The following GAREM1 variants were observed in gnomAD, a reference collection of about 807,000 sequenced individuals.
GAREM1 encodes the protein GRB2-associated and regulator of MAPK protein 1.
GAREM1 carries 26 observed loss-of-function variants against 71.3 expected under a neutral mutation model. That is an observed-to-expected ratio of 0.36 (90% CI 0.27 to 0.51). The LOEUF (loss-of-function observed/expected upper bound fraction) is 0.51. Ranked by LOEUF, GAREM1 falls within the 20% of genes least tolerant of loss-of-function variation. The pLI, the probability that GAREM1 is intolerant of heterozygous loss-of-function variation, is 0.95. For missense variants in GAREM1, 1,026 were observed against 1,103.1 expected (o/e 0.93, Z 0.99); for synonymous variants, 440 against 433.2 (o/e 1.02, Z -0.20).
At chr18:32,445,755 T>TA (rs2048780360) in intron 1 of GAREM1, among the ~76,000 whole-genome samples, 1 of 152,112 alleles carries the variant, frequency 6.6e-6, no homozygotes, top group African/African-American at 2.4e-5. Context: ...TATTTCCACC[T>TA]AAAAAAGTTT....
chr18:32,363,734 C>T (rs2047889406), intron 2 of GAREM1, among the ~76,000 whole-genome samples: 1 of 151,732 alleles, frequency 6.6e-6, no homozygotes, highest in South Asian at 2.1e-4. Flanking sequence ...CAAAGCCTTA[C>T]AGCTTATGAT....
At chr18:32,322,370 A>G (rs764575618) in intron 2 of GAREM1, among the ~76,000 whole-genome samples, 12 of 152,192 alleles carry the variant, frequency 7.9e-5, no homozygotes, top group Admixed American at 3.3e-4. Flanking sequence ...AAATCCATCT[A>G]GATCCATCCA....
At position 32,266,610 on chromosome 18, in the gene GAREM1, T is replaced by C. The variant is rs533673605; in HGVS notation, c.*1261A>G. The C allele has an allele frequency of 1.3e-5, 2 of 152,350 alleles. No individual in the cohort carries two copies. Among genetic ancestry groups the C allele is most frequent in the Admixed American group, 6.5e-5 (1 of 15,314 alleles). The allele number at this position is 152,350 out of a possible 1,614,324, so 9.4% of individuals were successfully genotyped here. On this transcript the variant is annotated 3_prime_UTR_variant, in exon 6 of 6. Coordinates refer to ENST00000269209, the MANE Select transcript of GAREM1 (RefSeq NM_001242409.2). ...ATGTAAAAGTATGGTAATAATGTAT[T>C]TTCTTTGAAAGAGAGGGAAGAAGTG...
chr18:32,345,214 CAT>C (rs1268507397), intron 2 of GAREM1, among the ~76,000 whole-genome samples: 1 of 152,152 alleles, frequency 6.6e-6, no homozygotes, highest in Non-Finnish European at 1.5e-5. Flanking sequence ...ATAGACTAAT[CAT>C]AAAGATTTCA....
chr18:32,315,434 AT>A (rs2047366707), intron 2 of GAREM1, among the ~76,000 whole-genome samples: 2 of 147,554 alleles, frequency 1.4e-5, no homozygotes, highest in African/African-American at 4.9e-5. Context: ...TAAAGTATAT[AT>A]AAAAAAATAT....
chr18:32,354,056 A>C (rs1245380947), intron 2 of GAREM1, among the ~76,000 whole-genome samples: 1 of 152,188 alleles, frequency 6.6e-6, no homozygotes, highest in African/African-American at 2.4e-5. Context: ...AACATACATA[A>C]ATAATTTTGA....
chr18:32,291,602 C>T (rs934085237), intron 3 of GAREM1, among the ~76,000 whole-genome samples: 2 of 152,090 alleles, frequency 1.3e-5, no homozygotes, highest in Middle Eastern at 3.2e-3. Context: ...ATCAAACCAT[C>T]ATTTACATTA....
intron 1 of GAREM1, among the ~76,000 whole-genome samples, chr18:32,465,962 G>C (rs935352841): frequency 1.3e-5 from 2 of 152,170 alleles, no homozygotes; most frequent in African/African-American, 4.8e-5. Context: ...TGCATTGCCT[G>C]AGGGTGAAAA....
rs374746089 is a variant in GAREM1 at position 32,362,122 on chromosome 18, C to T, written c.262+30773G>A. Among the ~76,000 whole-genome samples, 16 of 152,294 alleles carry T rather than the reference C, an allele frequency of 1.1e-4. No individual in the cohort carries two copies. The East Asian group carries it at 2.3e-3, about 22-fold the overall frequency. On this transcript the variant is annotated intron_variant, in intron 2 of 5. Coordinates refer to ENST00000269209, the MANE Select transcript of GAREM1 (RefSeq NM_001242409.2). The stretch of plus-strand genomic sequence containing the variant: ...ATGGAAATCCCCAATTTGTGGCCCG[C>T]ACTGCTATGCTCTTCACCATCTCCC...
intron 2 of GAREM1, among the ~76,000 whole-genome samples, chr18:32,342,215 G>GA (rs2047654224): frequency 6.6e-6 from 1 of 152,070 alleles, no homozygotes. Context: ...GAGGCGCAGA[G>GA]GTTAAGCATC....
intron 2 of GAREM1, among the ~76,000 whole-genome samples, chr18:32,323,877 AG>A (rs1249765419): frequency 6.6e-6 from 1 of 152,168 alleles, no homozygotes; most frequent in Non-Finnish European, 1.5e-5. Flanking sequence ...TCAGTTATTT[AG>A]TATGAAAAGA....
intron 2 of GAREM1, among the ~76,000 whole-genome samples, chr18:32,328,381 G>A (rs1567966026): frequency 6.6e-6 from 1 of 152,158 alleles, no homozygotes; most frequent in Non-Finnish European, 1.5e-5. Context: ...TATGCTGGCT[G>A]GTGTGGTTGA....
At chr18:32,274,585 G>A (rs1339997009) in intron 4 of GAREM1, among the ~76,000 whole-genome samples, 1 of 152,172 alleles carries the variant, frequency 6.6e-6, no homozygotes. Context: ...TGTGCGACCA[G>A]GCTCCCACGC....
At chr18:32,275,682 A>G (rs1225689826) in intron 4 of GAREM1, among the ~76,000 whole-genome samples, 1 of 151,898 alleles carries the variant, frequency 6.6e-6, no homozygotes, top group Non-Finnish European at 1.5e-5. Context: ...GAGTAAGTCT[A>G]TCTCTTTTTT....
intron 4 of GAREM1, among the ~76,000 whole-genome samples, chr18:32,284,566 T>C (rs1248903940): frequency 6.6e-6 from 1 of 152,196 alleles, no homozygotes; most frequent in Non-Finnish European, 1.5e-5. Flanking sequence ...GATGAGTCTG[T>C]AAGTCAATCA....
chr18:32,410,506 C>T (rs2048406053), intron 1 of GAREM1, among the ~76,000 whole-genome samples: 1 of 152,102 alleles, frequency 6.6e-6, no homozygotes. Context: ...CACCGCCACA[C>T]TGGATAATGT....
At chr18:32,459,694 C>T (rs959771521) in intron 1 of GAREM1, among the ~76,000 whole-genome samples, 2 of 152,134 alleles carry the variant, frequency 1.3e-5, no homozygotes, top group Non-Finnish European at 2.9e-5. Context: ...ATTTTAAAAA[C>T]CTGAAACAGG....
intron 1 of GAREM1, among the ~76,000 whole-genome samples, chr18:32,455,800 CG>C (rs1227968845): frequency 6.6e-6 from 1 of 152,072 alleles, no homozygotes; most frequent in Non-Finnish European, 1.5e-5. Flanking sequence ...AATTGTTTTC[CG>C]ATTTCATTAA....
intron 1 of GAREM1, among the ~76,000 whole-genome samples, chr18:32,422,920 C>A: frequency 6.6e-6 from 1 of 152,198 alleles, no homozygotes; most frequent in South Asian, 2.1e-4. Flanking sequence ...CAGTCAGTGG[C>A]GACAGCAAGA....
Sources: gnomAD v4.1 joint callset for allele counts (sites outside exome capture counted in the v4.1 genomes callset) on GRCh38, gnomAD v4.1.1 for gene constraint, MANE v1.5 for transcripts, NCBI Gene and HGNC (gene_info 2026-07-23, HGNC 2026-07-21) for gene names.